The following FYCO1 variants were observed in gnomAD, a reference collection of about 807,000 sequenced individuals.
The protein encoded by FYCO1 is FYVE and coiled-coil domain-containing protein 1.
A neutral mutation model predicts 165.1 loss-of-function variants in FYCO1; 122 were observed. The ratio of observed to expected loss-of-function variants is 0.74; its 90% confidence interval spans 0.64 to 0.86. The LOEUF (loss-of-function observed/expected upper bound fraction) is 0.86. FYCO1 is among the 40% of genes least tolerant of loss of function. FYCO1 has a pLI of 0.00. For missense variants in FYCO1, 1,702 were observed against 1,810.3 expected (o/e 0.94, Z 1.09); for synonymous variants, 648 against 742.5 (o/e 0.87, Z 2.07).
At chr3:45,973,920 G>A (rs1213808127) in intron 5 of FYCO1, among the ~76,000 whole-genome samples, 1 of 151,838 alleles carries the variant, frequency 6.6e-6, no homozygotes, top group Non-Finnish European at 1.5e-5. Context: ...AATTAGCTGA[G>A]CATGGTGGCA....
chr3:45,979,646 G>A, intron 4 of FYCO1, 59 bp downstream of exon 4: 1 of 1,605,540 alleles, frequency 6.2e-7, no homozygotes. Flanking sequence ...GTCTCTGCAA[G>A]AGCTGCTTTA....
At position 45,919,174 on chromosome 3, in the gene FYCO1, C is replaced by T. The variant is rs1028886610; in HGVS notation, c.*2591G>A. ...AGGGCTACCACCTGCAGCAGTGGTT[C>T]TTCAATTGCTATTTGCATTTCTTTA... On this transcript the variant is annotated 3_prime_UTR_variant, in exon 18 of 18. Transcript: ENST00000296137. The T allele has an allele frequency of 2.6e-5, 4 of 151,778 alleles. No homozygotes were observed. The highest frequency in any genetic ancestry group is 7.3e-5 in the African/African-American group (3 of 41,292). 9.4% of individuals were successfully genotyped at this position (151,778 alleles called of 1,614,324 possible).
At chr3:45,991,025 G>A (rs1417283212) in intron 1 of FYCO1, among the ~76,000 whole-genome samples, 3 of 152,024 alleles carry the variant, frequency 2.0e-5, no homozygotes, top group African/African-American at 2.4e-5. Context: ...TGATCCACCC[G>A]CCTTGGCCTC....
chr3:45,991,407 CAG>C (rs1174042196), intron 1 of FYCO1, among the ~76,000 whole-genome samples: 1 of 152,198 alleles, frequency 6.6e-6, no homozygotes, highest in Non-Finnish European at 1.5e-5. Flanking sequence ...AGGCCCTTTA[CAG>C]ATGGGCTGCC....
At position 45,967,670 on chromosome 3, in the gene FYCO1, C is replaced by T. The variant is rs139253829; in HGVS notation, c.1664G>A (p.Arg555Gln). 13 of 1,613,922 alleles carry T rather than the reference C, an allele frequency of 8.1e-6. No homozygotes were observed. In the African/African-American group the frequency reaches 1.5e-4, roughly 18 times the overall value. ...HLSQQVGMLERLAGPPGPELP... is the reference protein window; with the variant it reads ...HLSQQVGMLEQLAGPPGPELP... ...TTCTGGGCCAGGCGGCCCAGCAAGCCGCTCGAGCATACCCACCTGCTGGCT... is the reference window on the plus strand; with the variant it reads ...TTCTGGGCCAGGCGGCCCAGCAAGCTGCTCGAGCATACCCACCTGCTGGCT... Residue 555 changes from arginine (R) to glutamine (Q), a missense_variant, in exon 8 of 18, where the codon CGG becomes CAG. Transcript: ENST00000296137.
At chr3:45,930,370 C>G (rs1703531317) in intron 16 of FYCO1, among the ~76,000 whole-genome samples, 1 of 152,132 alleles carries the variant, frequency 6.6e-6, no homozygotes, top group South Asian at 2.1e-4. Context: ...TGGAGCCCTG[C>G]CCAACCTCTG....
chr3:45,972,887 A>C (rs1018733771), intron 6 of FYCO1, among the ~76,000 whole-genome samples: 4 of 152,216 alleles, frequency 2.6e-5, no homozygotes, highest in African/African-American at 7.2e-5. Context: ...CTGGCCAGTT[A>C]AGTTGGTTTA....
At chr3:45,956,842 G>A (rs1328444623) in intron 13 of FYCO1, among the ~76,000 whole-genome samples, 1 of 152,166 alleles carries the variant, frequency 6.6e-6, no homozygotes, top group Non-Finnish European at 1.5e-5. Flanking sequence ...GAGATTCAAT[G>A]CAATCTCAAT....
Position 45,962,382 on chromosome 3 carries a change from C to T in FYCO1, c.3280G>A (p.Glu1094Lys). The change falls in exon 11 of 18, where the codon GAA (glutamate) becomes AAA (lysine). Residue 1094 changes from glutamate (E) to lysine (K), a missense_variant. Physicochemically the swap from Glu to Lys is moderately conservative, Grantham distance 56. Coordinates refer to ENST00000296137, the MANE Select transcript of FYCO1 (RefSeq NM_024513.4). The surrounding 1 kb of genome is among the most constrained non-coding windows in gnomAD (Gnocchi z 4.4). ...LREDLERTQK[E>K]LEKATTKIQE... Reference sequence around the variant, plus strand: ...ATTTTTGTTGTGGCTTTTTCGAGTTCCTTCTGGGTCCTGGGGGAGGAGTGG... The same window carrying T: ...ATTTTTGTTGTGGCTTTTTCGAGTTTCTTCTGGGTCCTGGGGGAGGAGTGG... 1.2e-6 allele frequency: 2 copies of T among 1,614,076 alleles called. No individual in the cohort carries two copies. Among genetic ancestry groups the T allele is most frequent in the Non-Finnish European group, 1.7e-6 (2 of 1,179,998 alleles).
At chr3:45,953,144 C>T (rs181842381) in intron 14 of FYCO1, among the ~76,000 whole-genome samples, 2 of 152,212 alleles carry the variant, frequency 1.3e-5, no homozygotes, top group East Asian at 1.9e-4. Context: ...CATGTAAGCC[C>T]GAAGTCCCTT....
Position 45,969,753 on chromosome 3 carries a change from G to T in FYCO1, c.552C>A (p.Thr184=), listed in dbSNP as rs887013615. ...TCCACAGGTAAGCAGAAGAGCCAGTGGTCAGCGTCCTCCTGTGGGGCCACA... is the reference window on the plus strand; with the variant it reads ...TCCACAGGTAAGCAGAAGAGCCAGTTGTCAGCGTCCTCCTGTGGGGCCACA... ...AWPTFARRTL[T]TGSSAYLWKP... The change falls in exon 7 of 18, where the codon ACC becomes ACA. Residue 184 remains threonine (T), a synonymous_variant. Coordinates refer to ENST00000296137, the MANE Select transcript of FYCO1 (RefSeq NM_024513.4). 2.5e-6 allele frequency: 4 copies of T among 1,613,644 alleles called. No homozygotes were observed. The African/African-American group carries it at 5.3e-5, about 22-fold the overall frequency.
At chr3:45,953,874 G>A (rs1475027902) in intron 14 of FYCO1, among the ~76,000 whole-genome samples, 3 of 152,190 alleles carry the variant, frequency 2.0e-5, no homozygotes, top group African/African-American at 7.2e-5. Context: ...GCAGCTAAAG[G>A]AACCTCTGAG....
intron 4 of FYCO1, 68 bp downstream of exon 4, chr3:45,979,637 T>C (rs1196953033): frequency 1.0e-5 from 16 of 1,592,692 alleles, no homozygotes; most frequent in Non-Finnish European, 1.3e-5. Flanking sequence ...GCAGCAAAGG[T>C]CTCTGCAAGA....
intron 6 of FYCO1, among the ~76,000 whole-genome samples, chr3:45,972,146 A>T (rs887606432): frequency 9.2e-5 from 14 of 152,212 alleles, no homozygotes; most frequent in Non-Finnish European, 1.9e-4. Flanking sequence ...ATTATTTCAA[A>T]ATGTAAAAGT....
At chr3:45,961,396 T>C (rs1437989280) in intron 11 of FYCO1, among the ~76,000 whole-genome samples, 2 of 152,018 alleles carry the variant, frequency 1.3e-5, no homozygotes, top group Non-Finnish European at 2.9e-5. Context: ...CTGGCCAACA[T>C]GGTGAAGCCT....
chr3:45,958,652 G>T, intron 12 of FYCO1, 33 bp from the exon 13 acceptor site: 1 of 1,600,964 alleles, frequency 6.2e-7, no homozygotes, highest in South Asian at 1.1e-5. Flanking sequence ...CTGTGAGGAT[G>T]ACACACTATG....
rs750341733 is a variant in FYCO1 at position 45,993,619 on chromosome 3, G to A, written c.-113+2103C>T. ...AAGACAAGAACATAGCAGTCATGACGTGAGCAGATGTTGCCCTGACCATAA... is the reference window on the plus strand; with the variant it reads ...AAGACAAGAACATAGCAGTCATGACATGAGCAGATGTTGCCCTGACCATAA... On this transcript the variant is annotated intron_variant, in intron 1 of 17. Transcript: ENST00000296137. This position sits in a 1 kb window ranked among gnomAD's most constrained non-coding sequence, Gnocchi z 4.4. Among the ~76,000 whole-genome samples the A allele has an allele frequency of 6.6e-5, 10 of 152,190 alleles. No individual in the cohort carries two copies. Among genetic ancestry groups the A allele is most frequent in the Admixed American group, 1.3e-4 (2 of 15,272 alleles).
At chr3:45,941,399 T>G (rs1238118290) in intron 14 of FYCO1, 5 of 152,234 alleles carry the variant, frequency 3.3e-5, no homozygotes, top group Non-Finnish European at 5.9e-5. Context: ...TAGAAAATGT[T>G]TAGGTATTTC....
intron 6 of FYCO1, among the ~76,000 whole-genome samples, chr3:45,970,476 T>C (rs1706359369): frequency 6.6e-6 from 1 of 152,194 alleles, no homozygotes; most frequent in African/African-American, 2.4e-5. Flanking sequence ...TTGGCAGCAC[T>C]GTAACTGGAA....
Sources: allele counts gnomAD v4.1 joint callset (sites outside exome capture counted in the v4.1 genomes callset), GRCh38; gene constraint gnomAD v4.1.1; non-coding constraint Gnocchi (gnomAD v3.1); transcripts MANE v1.5; gene names NCBI Gene and HGNC (gene_info 2026-07-23, HGNC 2026-07-21).